The following MAJIN variants were observed in gnomAD, a reference collection of about 807,000 sequenced individuals.
The protein encoded by MAJIN is membrane-anchored junction protein.
MAJIN carries 27 observed loss-of-function variants against 30.2 expected under a neutral mutation model. The observed-to-expected ratio is 0.89, with a 90% confidence interval of 0.66 to 1.23. The LOEUF is 1.23. Ranked by LOEUF, MAJIN falls within the 50% of genes most tolerant of loss-of-function variation. The pLI is 0.00. For synonymous variants in MAJIN, 78 were observed against 91.6 expected, an observed-to-expected ratio of 0.85 and a Z score of 0.85; for missense variants, 253 against 260.3, an observed-to-expected ratio of 0.97 and a Z score of 0.19.
intron 3 of MAJIN, among the ~76,000 whole-genome samples, chr11:64,958,230 G>A (rs769163219): frequency 6.6e-6 from 1 of 151,394 alleles, no homozygotes; most frequent in South Asian, 2.1e-4. Context: ...GATTACAGGC[G>A]TGAGCCACTG....
chr11:64,947,015 A>T (rs1481880630), intron 8 of MAJIN, among the ~76,000 whole-genome samples: 1 of 152,160 alleles, frequency 6.6e-6, no homozygotes, highest in Non-Finnish European at 1.5e-5. Context: ...TACTCCTTCA[A>T]GAGTTTCCCT....
intron 1 of MAJIN, among the ~76,000 whole-genome samples, chr11:64,968,786 C>T (rs1166696404): frequency 1.3e-4 from 20 of 150,952 alleles, no homozygotes; most frequent in African/African-American, 3.9e-4. Context: ...GAGCCGAGAT[C>T]GCACCACTAC....
chr11:64,967,124 AAGGCC>A (rs149150258), intron 1 of MAJIN, among the ~76,000 whole-genome samples: 2,447 of 150,806 alleles, frequency 0.016, 79 homozygotes, highest in African/African-American at 0.056. Context: ...AAAAAAGAAA[AAGGCC>A]AGGTGCTGTG....
chr11:64,945,023 C>CTTAT (rs1644572449), intron 8 of MAJIN, among the ~76,000 whole-genome samples: 1 of 152,132 alleles, frequency 6.6e-6, no homozygotes, highest in African/African-American at 2.4e-5. Context: ...TTTTCTCTTA[C>CTTAT]CAGTTATCAG....
At chr11:64,970,633 G>A (rs1379192480) in intron 1 of MAJIN, among the ~76,000 whole-genome samples, 2 of 151,422 alleles carry the variant, frequency 1.3e-5, no homozygotes, top group Non-Finnish European at 1.5e-5. Context: ...CCAAAGTGCT[G>A]GGATTACAGG....
intron 3 of MAJIN, among the ~76,000 whole-genome samples, chr11:64,955,583 T>C (rs1374220111): frequency 6.6e-6 from 1 of 152,192 alleles, no homozygotes; most frequent in African/African-American, 2.4e-5. Flanking sequence ...ACAGACACTT[T>C]CTTAAAAATC....
intron 1 of MAJIN, among the ~76,000 whole-genome samples, chr11:64,964,498 C>T (rs1392839526): frequency 6.6e-6 from 1 of 152,168 alleles, no homozygotes; most frequent in Non-Finnish European, 1.5e-5. Context: ...ACATATCACT[C>T]GGTCAGTCAT....
chr11:64,970,723 A>G (rs1206086188), intron 1 of MAJIN, among the ~76,000 whole-genome samples: 1 of 152,134 alleles, frequency 6.6e-6, no homozygotes, highest in Non-Finnish European at 1.5e-5. Flanking sequence ...TGTTCGGCAA[A>G]GTATACCTGC....
intron 8 of MAJIN, among the ~76,000 whole-genome samples, chr11:64,943,902 C>T (rs1945412319): frequency 6.6e-6 from 1 of 152,166 alleles, no homozygotes; most frequent in Admixed American, 6.5e-5. Context: ...TTCTTACCCC[C>T]TAAAGGATGG....
At chr11:64,940,014 T>C (rs1037847848) in intron 9 of MAJIN, 6 of 397,912 alleles carry the variant, frequency 1.5e-5, no homozygotes, top group Non-Finnish European at 2.7e-5. Context: ...CCATGCACTC[T>C]GGCTGGTATG....
intron 3 of MAJIN, among the ~76,000 whole-genome samples, chr11:64,958,843 T>C (rs1424071465): frequency 1.3e-5 from 2 of 152,008 alleles, no homozygotes; most frequent in Non-Finnish European, 2.9e-5. Context: ...CAGGCTGGTC[T>C]TGAACTCCTG....
chr11:64,971,427 CAAAAA>C (rs35873962), intron 1 of MAJIN, among the ~76,000 whole-genome samples: 1 of 68,798 alleles, frequency 1.5e-5, no homozygotes. Context: ...GACCCCGCCT[CAAAAA>C]AAAAAAAAAA....
chr11:64,971,249 G>A (rs1258892485), intron 1 of MAJIN, among the ~76,000 whole-genome samples: 2 of 151,728 alleles, frequency 1.3e-5, no homozygotes, highest in African/African-American at 2.4e-5. Context: ...CCAACATGGT[G>A]AAACCCCATC....
intron 8 of MAJIN, among the ~76,000 whole-genome samples, chr11:64,943,940 C>G (rs1159271783): frequency 6.6e-6 from 1 of 152,174 alleles, no homozygotes. Context: ...GACTATCTGC[C>G]CAAAATCACT....
At chr11:64,945,470 C>T (rs1370088432) in intron 8 of MAJIN, among the ~76,000 whole-genome samples, 1 of 152,208 alleles carries the variant, frequency 6.6e-6, no homozygotes, top group Non-Finnish European at 1.5e-5. Context: ...GATCCCACCT[C>T]AATTCTATAC....
chr11:64,941,024 G>A (rs1248049932), intron 8 of MAJIN, among the ~76,000 whole-genome samples: 2 of 151,440 alleles, frequency 1.3e-5, no homozygotes, highest in East Asian at 3.9e-4. Context: ...ATTTTTAGTA[G>A]AGACAGGGTT....
intron 1 of MAJIN, among the ~76,000 whole-genome samples, chr11:64,966,145 G>GAAAAAAGAAAAAAA (rs1945804703): frequency 1.8e-5 from 1 of 57,094 alleles, no homozygotes; most frequent in Non-Finnish European, 3.0e-5. Flanking sequence ...GATTAAAAAT[G>GAAAAAAGAAAAAAA]AAAAAAAAAA....
chr11:64,957,173 G>A (rs1399330179), intron 3 of MAJIN, among the ~76,000 whole-genome samples: 3 of 151,800 alleles, frequency 2.0e-5, no homozygotes, highest in Non-Finnish European at 2.9e-5. Context: ...AACTCCCTGG[G>A]GCCAACCGAT....
chr11:64,952,049 A>T (rs568066093), intron 4 of MAJIN, among the ~76,000 whole-genome samples: 41 of 151,948 alleles, frequency 2.7e-4, no homozygotes, highest in Non-Finnish European at 5.0e-4. Context: ...CACCACGCCC[A>T]GCTAATTTTT....
Sources: gnomAD v4.1 joint callset for allele counts (sites outside exome capture counted in the v4.1 genomes callset) on GRCh38, gnomAD v4.1.1 for gene constraint, MANE v1.5 for transcripts, NCBI Gene and HGNC (gene_info 2026-07-23, HGNC 2026-07-21) for gene names.